Variants in RPL27 observed in about 807,000 individuals in gnomAD.
RPL27 encodes the protein ribosomal protein L27, also known as large ribosomal subunit protein eL27.
For synonymous variants in RPL27, 77 were observed against 61.0 expected, an observed-to-expected ratio of 1.26 and a Z score of -1.22; for missense variants, 131 against 174.3, an observed-to-expected ratio of 0.75 and a Z score of 1.40.
intron 3 of RPL27, among the ~76,000 whole-genome samples, chr17:43,001,633 T>G (rs1021400772): frequency 1.3e-4 from 19 of 150,102 alleles, no homozygotes; most frequent in East Asian, 8.0e-4. Context: ...AAAATAAAAA[T>G]AATAATAAAA....
Position 42,998,765 on chromosome 17 carries a change from G to A in RPL27, c.15G>A (p.Met5Ile), listed in dbSNP as rs2050326842. The change falls in exon 2 of 5, where the codon ATG (methionine) becomes ATA (isoleucine). Residue 5 changes from methionine (M) to isoleucine (I), a missense_variant. Met to Ile is a conservative substitution (Grantham distance 10). Coordinates refer to ENST00000253788, the MANE Select transcript of RPL27 (RefSeq NM_000988.5). MGKFMKPGKVVLVLA... is the reference protein window; with the variant it reads MGKFIKPGKVVLVLA... The stretch of plus-strand genomic sequence containing the variant: ...TCTCTGCAGAAATGGGCAAGTTCAT[G>A]AAACCTGGGAAGGTGGTGCTTGTCC... 16 of 1,613,868 alleles carry A rather than the reference G, an allele frequency of 9.9e-6. No individual in the cohort carries two copies. Among genetic ancestry groups the A allele is most frequent in the African/African-American group, 1.3e-5 (1 of 74,930 alleles).
chr17:43,002,744 G>T lies in RPL27; in HGVS notation c.323G>T (p.Arg108Leu), dbSNP rs533615868. Residue 108 changes from arginine to leucine, a missense_variant, in exon 4 of 5, where the codon CGC becomes CTC. Transcript: ENST00000253788. Reference sequence around the variant, plus strand: ...GTCTTCAGAGATCCTGCTCTTAAACGCAAGGCCCGACGGGAGGCCAAGGTC... The same window carrying T: ...GTCTTCAGAGATCCTGCTCTTAAACTCAAGGCCCGACGGGAGGCCAAGGTC... ...KDVFRDPALKRKARREAKVKF... is the reference protein window; with the variant it reads ...KDVFRDPALKLKARREAKVKF... 17 of 1,613,636 alleles carry T rather than the reference G, an allele frequency of 1.1e-5. No individual in the cohort carries two copies. Among genetic ancestry groups the T allele is most frequent in the East Asian group, 4.5e-5 (2 of 44,856 alleles).
intron 1 of RPL27, 29 bp downstream of exon 1, chr17:42,998,500 A>G: frequency 5.1e-6 from 2 of 392,094 alleles, no homozygotes; most frequent in Non-Finnish European, 9.3e-6. Context: ...TGAATCTTTC[A>G]ATCCGCTGCC....
At chr17:43,001,121 A>G (rs1330740018) in intron 3 of RPL27, among the ~76,000 whole-genome samples, 2 of 151,954 alleles carry the variant, frequency 1.3e-5, no homozygotes, top group Non-Finnish European at 2.9e-5. Context: ...AGGCGAGCGG[A>G]TCACAGGGTC....
chr17:43,002,648 C>A, intron 3 of RPL27, 25 bp from the exon 4 acceptor site: 1 of 1,453,944 alleles, frequency 6.9e-7, no homozygotes, highest in Non-Finnish European at 9.7e-7. Context: ...GTGGGCTAAT[C>A]CTGCCTCTCC....
At position 42,999,953 on chromosome 17, in the gene RPL27, A is replaced by C. The variant is rs769123617; in HGVS notation, c.102A>C (p.Ser34=). Residue 34 remains serine (S), a synonymous_variant, in exon 3 of 5, where the codon TCA becomes TCC. Coordinates refer to ENST00000253788, the MANE Select transcript of RPL27 (RefSeq NM_000988.5). ...TTTAGAACATTGATGATGGCACCTC[A>C]GATCGCCCCTACAGCCATGCTCTGG... is the stretch of plus-strand genomic sequence containing the variant. The part of the protein sequence containing the change: ...VIVKNIDDGT[S]DRPYSHALVA... 5.5e-5 allele frequency: 88 copies of C among 1,611,924 alleles called. No individual in the cohort carries two copies. Among genetic ancestry groups the C allele is most frequent in the Non-Finnish European group, 8.5e-7 (1 of 1,179,866 alleles).
chr17:43,002,447 C>T (rs140327717), intron 3 of RPL27, among the ~76,000 whole-genome samples: 10 of 151,868 alleles, frequency 6.6e-5, no homozygotes, highest in Admixed American at 5.9e-4. Flanking sequence ...GCGGAACTTG[C>T]AATGAGCTGA....
intron 3 of RPL27, 97 bp downstream of exon 3, chr17:43,000,199 C>T: frequency 1.1e-6 from 1 of 945,160 alleles, no homozygotes; most frequent in Non-Finnish European, 1.6e-6. Context: ...GAAGGGATAT[C>T]ATTTCCAAAA....
intron 4 of RPL27, 41 bp downstream of exon 4, chr17:43,002,824 C>T (rs778623627): frequency 5.0e-6 from 8 of 1,604,024 alleles, no homozygotes; most frequent in Non-Finnish European, 6.8e-6. Context: ...TATGGTTTCA[C>T]TATTTCCATT....
intron 3 of RPL27, among the ~76,000 whole-genome samples, chr17:43,001,836 A>G (rs1356193927): frequency 2.0e-5 from 3 of 151,754 alleles, no homozygotes; most frequent in African/African-American, 7.3e-5. Context: ...TCAGGCTTGT[A>G]ATCCCAGCAC....
At chr17:42,998,523 G>A (rs1567737064) in intron 1 of RPL27, 52 bp downstream of exon 1, 4 of 441,400 alleles carry the variant, frequency 9.1e-6, no homozygotes, top group East Asian at 8.8e-5. Context: ...CCGCGGCTTG[G>A]GGGTCGAAGG....
chr17:43,002,473 G>C lies in RPL27; in HGVS notation c.252-200G>C, dbSNP rs9903021. ...AATGAGCTGAGATCACACCACTGCA[G>C]TCCAGCCTGGACGAAAGATTCAGAC... On this transcript the variant is annotated intron_variant, in intron 3 of 4. Transcript: ENST00000253788. 0.028 allele frequency among the ~76,000 whole-genome samples: 4,255 copies of C among 152,054 alleles called. 211 individuals are homozygous for C. The highest frequency in any genetic ancestry group is 0.098 in the African/African-American group (4,061 of 41,424).
In RPL27 at chr17:43,002,940, A is replaced by T; in HGVS notation, c.*20A>T. ...TTTTAGATGCTTTGTTTTGATCATTAAAAATTATAAAGAAAAAAAGCCTGT... is the reference window on the plus strand; with the variant it reads ...TTTTAGATGCTTTGTTTTGATCATTTAAAATTATAAAGAAAAAAAGCCTGT... On this transcript the variant is annotated 3_prime_UTR_variant, in exon 5 of 5. Coordinates refer to ENST00000253788, the MANE Select transcript of RPL27 (RefSeq NM_000988.5). 1 of 1,587,584 alleles carries T rather than the reference A, an allele frequency of 6.3e-7. No homozygotes were observed. Among genetic ancestry groups the T allele is most frequent in the Non-Finnish European group, 8.6e-7 (1 of 1,156,720 alleles).
rs139881092 is a variant in RPL27 at position 43,001,392 on chromosome 17, G to A, written c.252-1281G>A. Among the ~76,000 whole-genome samples, 499 of 150,060 alleles carry A rather than the reference G, an allele frequency of 3.3e-3. 5 individuals are homozygous for A. The highest frequency in any genetic ancestry group is 0.012 in the African/African-American group (466 of 39,484). On this transcript the variant is annotated intron_variant, in intron 3 of 4. Transcript: ENST00000253788. ...TGTAATCCCAGCACTTTGGGAGGCCGAGGCAGGTGGATCGCTTGAGGTCAG... is the reference window on the plus strand; with the variant it reads ...TGTAATCCCAGCACTTTGGGAGGCCAAGGCAGGTGGATCGCTTGAGGTCAG...
intron 3 of RPL27, among the ~76,000 whole-genome samples, chr17:43,002,332 C>G (rs551214065): frequency 7.9e-5 from 12 of 151,492 alleles, no homozygotes; most frequent in African/African-American, 2.4e-4. Context: ...TGTGAAACCC[C>G]GTCTCTACTA....
intron 3 of RPL27, among the ~76,000 whole-genome samples, chr17:43,000,541 C>T (rs1238033824): frequency 6.6e-6 from 1 of 150,646 alleles, no homozygotes; most frequent in Non-Finnish European, 1.5e-5. Context: ...GATCTCACAC[C>T]ATTCTTCTGC....
intron 3 of RPL27, 39 bp downstream of exon 3, chr17:43,000,141 C>G (rs1289391694): frequency 2.7e-6 from 4 of 1,507,692 alleles, no homozygotes; most frequent in Non-Finnish European, 3.7e-6. Context: ...TTTCTTCTCC[C>G]TGCTCTGTTG....
At chr17:43,001,228 C>T (rs1041134591) in intron 3 of RPL27, among the ~76,000 whole-genome samples, 3 of 151,912 alleles carry the variant, frequency 2.0e-5, no homozygotes, top group Non-Finnish European at 4.4e-5. Context: ...AAAAGAGGTG[C>T]GAGAATTGAG....
Position 43,000,097 on chromosome 17 carries a change from C to G in RPL27, c.246C>G (p.Pro82=). 1 of 1,609,466 alleles carries G rather than the reference C, an allele frequency of 6.2e-7. No homozygotes were observed. The highest frequency in any genetic ancestry group is 8.5e-7 in the Non-Finnish European group (1 of 1,176,662). The part of the protein sequence containing the change: ...VKVYNYNHLM[P]TRYSVDIPLD... ...TGTATAACTACAATCACCTAATGCC[C>G]ACAAGGTGAGCATTTCAAGAACTAG... is the stretch of plus-strand genomic sequence containing the variant. Residue 82 remains proline, a synonymous_variant, in exon 3 of 5, where the codon CCC becomes CCG. Coordinates refer to ENST00000253788, the MANE Select transcript of RPL27 (RefSeq NM_000988.5).
Sources: allele counts gnomAD v4.1 joint callset (sites outside exome capture counted in the v4.1 genomes callset), GRCh38; gene constraint gnomAD v4.1.1; transcripts MANE v1.5; gene names NCBI Gene and HGNC (gene_info 2026-07-23, HGNC 2026-07-21).